Variants in PTGS2 observed in about 807,000 individuals in gnomAD.
PTGS2 encodes prostaglandin-endoperoxide synthase 2.
PTGS2 carries 14 observed loss-of-function variants against 63.8 expected under a neutral mutation model. That is an observed-to-expected ratio of 0.22 (90% confidence interval 0.14 to 0.34). The LOEUF (loss-of-function observed/expected upper bound fraction) is 0.34. Among genes scored for constraint, PTGS2 ranks in the 10% least tolerant of loss-of-function variants. The pLI is 1.00. For missense variants in PTGS2, 533 were observed against 738.5 expected (o/e 0.72, Z 3.23); for synonymous variants, 271 against 259.5 (o/e 1.04, Z -0.43).
chr1:186,679,835 C>T (rs1434883630), intron 1 of PTGS2, among the ~76,000 whole-genome samples: 1 of 152,176 alleles, frequency 6.6e-6, no homozygotes, highest in Non-Finnish European at 1.5e-5. Context: ...TATCTTAAAA[C>T]ATAATCCGGG....
intron 7 of PTGS2, 88 bp from the exon 8 acceptor site, chr1:186,676,272 A>T: frequency 1.3e-5 from 15 of 1,193,994 alleles, no homozygotes; most frequent in Middle Eastern, 2.5e-4. Context: ...AAAATTTGCT[A>T]TTCCTTCATT....
At position 186,676,492 on chromosome 1, in the gene PTGS2, G is replaced by A. The variant is rs1333975155; in HGVS notation, c.945C>T (p.Phe315=). The stretch of plus-strand genomic sequence containing the variant: ...CTATCAGTATTAGCCTGCTTGTCTG[G>A]AACAACTGCTCATCACCCCATTCAG... The part of the protein sequence containing the change: ...EHPEWGDEQL[F]QTSRLILIGE... Residue 315 remains phenylalanine (F), a synonymous_variant, in exon 7 of 10, where the codon TTC becomes TTT. Coordinates refer to ENST00000367468, the MANE Select transcript of PTGS2 (RefSeq NM_000963.4). 1.2e-6 allele frequency: 2 copies of A among 1,613,914 alleles called. No homozygotes were observed. Among genetic ancestry groups the A allele is most frequent in the African/African-American group, 1.3e-5 (1 of 74,864 alleles).
Position 186,680,236 on chromosome 1 carries a change from C to T in PTGS2, c.52+3G>A. On this transcript the variant is annotated splice_donor_region_variant and intron_variant, in intron 1 of 9. Coordinates refer to ENST00000367468, the MANE Select transcript of PTGS2 (RefSeq NM_000963.4). ...TCCCCGGTGCGCGGCGCCAGGTACTCACCTGTATGGCTGAGCGCCAGGACC... is the reference window on the plus strand; with the variant it reads ...TCCCCGGTGCGCGGCGCCAGGTACTTACCTGTATGGCTGAGCGCCAGGACC... 1 of 1,549,520 alleles carries T rather than the reference C, an allele frequency of 6.5e-7. No homozygotes were observed. Among genetic ancestry groups the T allele is most frequent in the African/African-American group, 1.4e-5 (1 of 73,120 alleles).
chr1:186,678,110 A>T, intron 4 of PTGS2, 151 bp downstream of exon 4: 1 of 786,964 alleles, frequency 1.3e-6, no homozygotes, highest in South Asian at 2.7e-5. Context: ...ATATAGACTC[A>T]TACTTTAAAA....
chr1:186,674,625 A>C lies in PTGS2; in HGVS notation c.1543T>G (p.Phe515Val). The C allele has an allele frequency of 1.2e-6, 2 of 1,614,228 alleles. No homozygotes were observed. Among genetic ancestry groups the C allele is most frequent in the Non-Finnish European group, 1.7e-6 (2 of 1,180,036 alleles). ...GETMVEVGAPFSLKGLMGNVI... is the reference protein window; with the variant it reads ...GETMVEVGAPVSLKGLMGNVI... ...TTACCCATAAGTCCTTTCAAGGAGA[A>C]TGGTGCTCCAACTTCTACCATGGTT... Residue 515 changes from phenylalanine to valine, a missense_variant, in exon 10 of 10, where the codon TTC becomes GTC. By Grantham distance (50) the Phe-to-Val change is conservative. Coordinates refer to ENST00000367468, the MANE Select transcript of PTGS2 (RefSeq NM_000963.4).
chr1:186,680,239 C>T lies in PTGS2; in HGVS notation c.52G>A (p.Ala18Thr), dbSNP rs1157576579. 6.5e-7 allele frequency: 1 copy of T among 1,549,264 alleles called. No homozygotes were observed. The highest frequency in any genetic ancestry group is 8.7e-7 in the Non-Finnish European group (1 of 1,146,578). The change falls in exon 1 of 10, where the codon GCA (alanine) becomes ACA (threonine). Residue 18 changes from alanine to threonine, a missense_variant and splice_region_variant. Ala to Thr is a moderately conservative substitution (Grantham distance 58, BLOSUM62 0). Around this residue, in one of 5 missense-constraint regions of PTGS2, gnomAD observed 118 missense variants for 144.6 expected, o/e 0.82. Coordinates refer to ENST00000367468, the MANE Select transcript of PTGS2 (RefSeq NM_000963.4). ...LCAVLALSHT[A>T]NPCCSHPCQN... ...CCGGTGCGCGGCGCCAGGTACTCAC[C>T]TGTATGGCTGAGCGCCAGGACCGCG...
In PTGS2 at chr1:186,676,844, T is replaced by C. The variant is rs747632855; in HGVS notation, c.712A>G (p.Met238Val). ...RKLRLFKDGK[M>V]KYQIIDGEMY... ...CAAAGGAAGCATACCTGATATTTCATTTTTCCATCCTTGAAAAGGCGCAGT... is the reference window on the plus strand; with the variant it reads ...CAAAGGAAGCATACCTGATATTTCACTTTTCCATCCTTGAAAAGGCGCAGT... The change falls in exon 6 of 10, where the codon ATG becomes GTG. Residue 238 changes from methionine (M) to valine (V), a missense_variant. By Grantham distance (21) the Met-to-Val change is conservative (BLOSUM62 1). Transcript: ENST00000367468. 1.9e-6 allele frequency: 3 copies of C among 1,610,096 alleles called. No homozygotes were observed. The highest frequency in any genetic ancestry group is 2.5e-6 in the Non-Finnish European group (3 of 1,178,526).
intron 7 of PTGS2, 131 bp from the exon 8 acceptor site, chr1:186,676,315 G>T: frequency 7.3e-7 from 1 of 1,366,470 alleles, no homozygotes; most frequent in Non-Finnish European, 9.9e-7. Flanking sequence ...TCAAAAGATA[G>T]CTATTTTATC....
At chr1:186,676,299 T>A in intron 7 of PTGS2, 115 bp from the exon 8 acceptor site, 2 of 1,376,240 alleles carry the variant, frequency 1.5e-6, no homozygotes. Flanking sequence ...TTCTTCCTTG[T>A]CAGTATCAAA....
Position 186,675,272 on chromosome 1 carries a change from T to C in PTGS2, c.1382A>G (p.Tyr461Cys). 3.7e-6 allele frequency: 6 copies of C among 1,613,566 alleles called. No individual in the cohort carries two copies. Among genetic ancestry groups the C allele is most frequent in the Non-Finnish European group, 4.2e-6 (5 of 1,179,902 alleles). Reference sequence around the variant, plus strand: ...ACCTGTAAGTTCTTCAAATGATTCATAGGGCTTCAGCATAAAGCGTTTGCG... The same window carrying C: ...ACCTGTAAGTTCTTCAAATGATTCACAGGGCTTCAGCATAAAGCGTTTGCG... ...EYRKRFMLKP[Y>C]ESFEELTGEK... The change falls in exon 9 of 10, where the codon TAT becomes TGT. Residue 461 changes from tyrosine to cysteine, a missense_variant. This residue lies in a region of PTGS2 where 219 missense variants were observed against 267.4 expected (regional missense o/e 0.82). Transcript: ENST00000367468.
chr1:186,672,215 T>G lies in PTGS2; in HGVS notation c.*2138A>C, dbSNP rs1164290244. On this transcript the variant is annotated 3_prime_UTR_variant, in exon 10 of 10. Transcript: ENST00000367468. Reference sequence around the variant, plus strand: ...GATTTAAAAATATTAAAACCCACAGTGCTTGACACAGAATATTTTCTCAAT... The same window carrying G: ...GATTTAAAAATATTAAAACCCACAGGGCTTGACACAGAATATTTTCTCAAT... The G allele has an allele frequency of 6.6e-6, 1 of 152,118 alleles. No individual in the cohort carries two copies. The highest frequency in any genetic ancestry group is 1.5e-5 in the Non-Finnish European group (1 of 67,984). 9.4% of individuals were successfully genotyped at this position (152,118 alleles called of 1,614,324 possible).
Position 186,679,636 on chromosome 1 carries a change from C to T in PTGS2, c.53-198G>A, listed in dbSNP as rs111747544. Among the ~76,000 whole-genome samples the T allele has an allele frequency of 1.2e-3, 186 of 152,276 alleles. 1 individual carries two copies. The highest frequency in any genetic ancestry group is 4.3e-3 in the African/African-American group (180 of 41,568). The stretch of plus-strand genomic sequence containing the variant: ...AATTTTCTATTCTAAATAAGGATAA[C>T]AGCATATTCAACTTGGTACATCATG... On this transcript the variant is annotated intron_variant, in intron 1 of 9. Coordinates refer to ENST00000367468, the MANE Select transcript of PTGS2 (RefSeq NM_000963.4).
Position 186,678,289 on chromosome 1 carries a change from A to G in PTGS2, c.429T>C (p.Asp143=), listed in dbSNP as rs1336654203. The G allele has an allele frequency of 6.2e-7, 1 of 1,611,540 alleles. No individual in the cohort carries two copies. The highest frequency in any genetic ancestry group is 2.2e-5 in the East Asian group (1 of 44,802). Residue 143 remains aspartate (D), a synonymous_variant, in exon 4 of 10, where the codon GAT becomes GAC. Transcript: ENST00000367468. ...TGACACCCAAGGGAGTCGGGCAATC[A>G]TCAGGCACAGGAGGAAGGGCTCTAG... The part of the protein sequence containing the change: ...YYTRALPPVP[D]DCPTPLGVKG...
rs527945279 is a variant in PTGS2, at chr1:186,679,276, TG to T, written c.169+45del. The T allele has an allele frequency of 2.2e-4, 349 of 1,613,118 alleles. 1 individual carries two copies. In the African/African-American group the frequency reaches 4.3e-3, roughly 20 times the overall value. Reference sequence around the variant, plus strand: ...AGACACAAATCTATACAATGATAACTGTATCCAGCCCCACTCCTAATGAGGC... The same window carrying T: ...AGACACAAATCTATACAATGATAACTTATCCAGCCCCACTCCTAATGAGGC... On this transcript the variant is annotated intron_variant, in intron 2 of 9. Transcript: ENST00000367468.
Position 186,674,531 on chromosome 1 carries a change from T to C in PTGS2, c.1637A>G (p.Asn546Ser), listed in dbSNP as rs895168815. 3 of 1,614,204 alleles carry C rather than the reference T, an allele frequency of 1.9e-6. No individual in the cohort carries two copies. The highest frequency in any genetic ancestry group is 2.5e-6 in the Non-Finnish European group (3 of 1,180,038). ...FGGEVGFQIINTASIQSLICN... is the reference protein window; with the variant it reads ...FGGEVGFQIISTASIQSLICN... ...GATGAGAGACTGAATTGAGGCAGTG[T>C]TGATGATTTGAAAACCCACTTCTCC... The change falls in exon 10 of 10, where the codon AAC (asparagine) becomes AGC (serine). Residue 546 changes from asparagine (N) to serine (S), a missense_variant. Around this residue, in one of 5 missense-constraint regions of PTGS2, gnomAD observed 219 missense variants for 267.4 expected, o/e 0.82. Transcript: ENST00000367468.
At position 186,678,276 on chromosome 1, in the gene PTGS2, G is replaced by C; in HGVS notation, c.442C>G (p.Pro148Ala). 2 of 1,610,160 alleles carry C rather than the reference G, an allele frequency of 1.2e-6. No homozygotes were observed. Among genetic ancestry groups the C allele is most frequent in the Non-Finnish European group, 1.7e-6 (2 of 1,178,098 alleles). Reference protein sequence around the residue: ...LPPVPDDCPTPLGVKGKKQLP... With the variant: ...LPPVPDDCPTALGVKGKKQLP... ...TCTTACTCACCTTTGACACCCAAGGGAGTCGGGCAATCATCAGGCACAGGA... is the reference window on the plus strand; with the variant it reads ...TCTTACTCACCTTTGACACCCAAGGCAGTCGGGCAATCATCAGGCACAGGA... The change falls in exon 4 of 10, where the codon CCC (proline) becomes GCC (alanine). Residue 148 changes from proline to alanine, a missense_variant. Physicochemically the swap from Pro to Ala is conservative, Grantham distance 27 (BLOSUM62 -1). Around this residue, in one of 5 missense-constraint regions of PTGS2, gnomAD observed 118 missense variants for 138.7 expected, o/e 0.85. Transcript: ENST00000367468.
chr1:186,676,359 T>A, intron 7 of PTGS2, 108 bp downstream of exon 7: 1 of 1,452,564 alleles, frequency 6.9e-7, no homozygotes, highest in Non-Finnish European at 9.4e-7. Context: ...ATATAGAATG[T>A]GTGAGTTTTC....
intron 8 of PTGS2, 165 bp downstream of exon 8, chr1:186,675,733 G>T: frequency 1.2e-6 from 1 of 813,584 alleles, no homozygotes; most frequent in Non-Finnish European, 1.8e-6. Flanking sequence ...TAGACTAAAA[G>T]TTTAGACTTT....
At chr1:186,675,046 G>A (rs967083803) in intron 9 of PTGS2, among the ~76,000 whole-genome samples, 2 of 152,168 alleles carry the variant, frequency 1.3e-5, no homozygotes, top group Admixed American at 6.5e-5. Flanking sequence ...TGCGTGCGAC[G>A]TGAGCCTGTA....
Sources: allele counts gnomAD v4.1 joint callset (sites outside exome capture counted in the v4.1 genomes callset), GRCh38; gene constraint gnomAD v4.1.1; regional missense constraint gnomAD v4.1.1; transcripts MANE v1.5; gene names NCBI Gene and HGNC (gene_info 2026-07-23, HGNC 2026-07-21).